Variants in ZNF532 observed in about 807,000 individuals in gnomAD.
The protein encoded by ZNF532 is zinc finger protein 532.
A neutral mutation model predicts 89.3 loss-of-function variants in ZNF532; 22 were observed. The ratio of observed to expected loss-of-function variants is 0.25; its 90% CI spans 0.18 to 0.35. The LOEUF (loss-of-function observed/expected upper bound fraction) is 0.35, where lower values mean the gene tolerates loss of function less well. ZNF532 is among the 10% of genes least tolerant of loss of function. The pLI is 1.00. For missense variants in ZNF532, 1,132 were observed against 1,643.4 expected (o/e 0.69, Z 5.38); for synonymous variants, 606 against 649.6 (o/e 0.93, Z 1.02).
At chr18:58,932,783 A>G (rs777639411) in intron 3 of ZNF532, among the ~76,000 whole-genome samples, 7 of 152,082 alleles carry the variant, frequency 4.6e-5, no homozygotes, top group Non-Finnish European at 1.0e-4. Context: ...CTAGCTTACC[A>G]TTTGACTCAT....
chr18:58,899,309 A>G (rs758825263), intron 2 of ZNF532, among the ~76,000 whole-genome samples: 4 of 152,226 alleles, frequency 2.6e-5, no homozygotes, highest in African/African-American at 9.6e-5. Context: ...TGATTTGTTT[A>G]TCTGAAATTC....
In ZNF532 at chr18:58,920,491, C is replaced by T; in HGVS notation, c.2204C>T (p.Pro735Leu). Residue 735 changes from proline (P) to leucine (L), a missense_variant, in exon 3 of 10, where the codon CCC becomes CTC. Around this residue, in one of 9 missense-constraint regions of ZNF532, gnomAD observed 100 missense variants for 122.0 expected, o/e 0.82. Coordinates refer to ENST00000591808, the MANE Select transcript of ZNF532 (RefSeq NM_001375912.1). ...GTVISAPSST[P>L]ITPAMPLDED... ...GTCATATCGGCTCCTTCAAGCACTC[C>T]CATCACCCCAGCCATGCCCCTAGAT... 6.2e-7 allele frequency: 1 copy of T among 1,613,966 alleles called. No homozygotes were observed. The highest frequency in any genetic ancestry group is 1.1e-5 in the South Asian group (1 of 91,078).
At chr18:58,964,169 A>G (rs537619211) in intron 7 of ZNF532, 1 of 152,332 alleles carries the variant, frequency 6.6e-6, no homozygotes, top group African/African-American at 2.4e-5. Context: ...GTAGGGATAT[A>G]ATAGATTTTT....
chr18:58,962,351 TCA>T (rs1441712946), intron 7 of ZNF532, among the ~76,000 whole-genome samples: 4 of 152,194 alleles, frequency 2.6e-5, no homozygotes, highest in African/African-American at 7.2e-5. Flanking sequence ...TTTAAACCAG[TCA>T]CAGTCTAAAA....
At chr18:58,955,702 C>T (rs1420466412) in intron 7 of ZNF532, among the ~76,000 whole-genome samples, 1 of 152,214 alleles carries the variant, frequency 6.6e-6, no homozygotes, top group Non-Finnish European at 1.5e-5. Context: ...TATTTGGTCT[C>T]ACTACAGTGT....
In ZNF532 at chr18:58,984,535, T is replaced by G. The variant is rs1242889187; in HGVS notation, c.*69T>G. 3.9e-6 allele frequency: 6 copies of G among 1,531,032 alleles called. No homozygotes were observed. Among genetic ancestry groups the G allele is most frequent in the Non-Finnish European group, 5.3e-6 (6 of 1,141,000 alleles). 94.8% of individuals were successfully genotyped at this position (1,531,032 alleles called of 1,614,324 possible). On this transcript the variant is annotated 3_prime_UTR_variant, in exon 10 of 10. Transcript: ENST00000591808. ...AAAAAGACATTTTTGTTACAAAGTT[T>G]GCAGTATAATAGAGTTAACAGTACT... is the stretch of plus-strand genomic sequence containing the variant.
chr18:58,968,670 G>A (rs2066163964), intron 7 of ZNF532, among the ~76,000 whole-genome samples: 1 of 152,192 alleles, frequency 6.6e-6, no homozygotes, highest in African/African-American at 2.4e-5. Flanking sequence ...AGTGGGAGGA[G>A]TGTCGTATCT....
At chr18:58,917,649 A>G (rs2060700657) in intron 2 of ZNF532, among the ~76,000 whole-genome samples, 1 of 151,892 alleles carries the variant, frequency 6.6e-6, no homozygotes, top group African/African-American at 2.4e-5. Flanking sequence ...TTTTTAACAA[A>G]CATAATAGGG....
intron 7 of ZNF532, among the ~76,000 whole-genome samples, chr18:58,955,282 T>C (rs2064653840): frequency 6.6e-6 from 1 of 152,128 alleles, no homozygotes; most frequent in Non-Finnish European, 1.5e-5. Flanking sequence ...CAAAAGAATA[T>C]GTCATAGGTG....
At chr18:58,941,994 T>TTC (rs1568380244) in intron 5 of ZNF532, among the ~76,000 whole-genome samples, 122 of 105,788 alleles carry the variant, frequency 1.2e-3, no homozygotes, top group Middle Eastern at 5.2e-3. Context: ...CTCCTTCCCT[T>TTC]CCTTCCTTCC....
At chr18:58,952,580 TC>T (rs1195244623) in intron 6 of ZNF532, among the ~76,000 whole-genome samples, 50 of 152,238 alleles carry the variant, frequency 3.3e-4, no homozygotes, top group African/African-American at 1.2e-3. Flanking sequence ...AATTTATTAA[TC>T]TTTTTGTAGA....
intron 2 of ZNF532, among the ~76,000 whole-genome samples, chr18:58,883,264 C>T (rs2058058243): frequency 6.6e-6 from 1 of 152,144 alleles, no homozygotes; most frequent in Non-Finnish European, 1.5e-5. Flanking sequence ...TGATGGTGGG[C>T]ATTCTGTGAG....
chr18:58,938,152 C>G (rs2062630005), intron 4 of ZNF532, among the ~76,000 whole-genome samples: 1 of 152,226 alleles, frequency 6.6e-6, no homozygotes, highest in African/African-American at 2.4e-5. Context: ...TCATAGAAGT[C>G]TTTGGACACT....
chr18:58,921,662 C>T (rs1347754988), intron 3 of ZNF532, among the ~76,000 whole-genome samples: 1 of 152,200 alleles, frequency 6.6e-6, no homozygotes, highest in African/African-American at 2.4e-5. Context: ...AGCCTTTTAT[C>T]TCCATCATTT....
chr18:58,930,823 T>C (rs1367080040), intron 3 of ZNF532, among the ~76,000 whole-genome samples: 1 of 152,090 alleles, frequency 6.6e-6, no homozygotes, highest in African/African-American at 2.4e-5. Flanking sequence ...TACCTAATAG[T>C]GTAAATATAA....
At chr18:58,882,411 A>G (rs1030117885) in intron 2 of ZNF532, among the ~76,000 whole-genome samples, 1 of 152,114 alleles carries the variant, frequency 6.6e-6, no homozygotes, top group Non-Finnish European at 1.5e-5. Context: ...TAACTATAGG[A>G]TGCATGCCTG....
chr18:58,870,565 G>T (rs2056896263), intron 2 of ZNF532, among the ~76,000 whole-genome samples: 1 of 152,206 alleles, frequency 6.6e-6, no homozygotes, highest in African/African-American at 2.4e-5. Flanking sequence ...GGACTTCTGT[G>T]TAGGCAGAAA....
At chr18:58,959,648 C>G (rs986652007) in intron 7 of ZNF532, among the ~76,000 whole-genome samples, 1 of 152,184 alleles carries the variant, frequency 6.6e-6, no homozygotes, top group African/African-American at 2.4e-5. Flanking sequence ...GGCACCACAA[C>G]TACCAGTGTG....
chr18:58,889,380 A>G (rs575375652), intron 2 of ZNF532, among the ~76,000 whole-genome samples: 25 of 152,356 alleles, frequency 1.6e-4, no homozygotes, highest in East Asian at 7.7e-4. Flanking sequence ...CTTGAGCCAT[A>G]TAACACATAT....
Sources: gnomAD v4.1 joint callset for allele counts (sites outside exome capture counted in the v4.1 genomes callset) on GRCh38, gnomAD v4.1.1 for gene constraint, gnomAD v4.1.1 regional missense constraint, MANE v1.5 for transcripts, NCBI Gene and HGNC (gene_info 2026-07-23, HGNC 2026-07-21) for gene names.